Variants in LARGE1 observed in about 807,000 individuals in gnomAD.
The protein encoded by LARGE1 is xylosyl- and glucuronyltransferase LARGE1.
In LARGE1, 43 loss-of-function variants were observed where a neutral mutation model predicts 87.6. The ratio of observed to expected loss-of-function variants is 0.49; its 90% CI spans 0.38 to 0.63. LARGE1 has a LOEUF of 0.63. Ranked by LOEUF, LARGE1 falls within the 30% of genes least tolerant of loss-of-function variation. The probability of loss-of-function intolerance (pLI) is 0.00; values close to 1 mark genes in which losing one functional copy is unlikely to be tolerated. For missense variants in LARGE1, 802 were observed against 1,000.2 expected (o/e 0.80, Z 2.67); for synonymous variants, 434 against 394.6 (o/e 1.10, Z -1.18).
chr22:33,279,353 C>A (rs1929993211), intron 13 of LARGE1, among the ~76,000 whole-genome samples: 2 of 152,186 alleles, frequency 1.3e-5, no homozygotes, highest in African/African-American at 4.8e-5. Flanking sequence ...AGTCTGGGTT[C>A]CATCTCATCC....
At chr22:33,566,503 T>A (rs2078030016) in intron 5 of LARGE1, among the ~76,000 whole-genome samples, 1 of 152,240 alleles carries the variant, frequency 6.6e-6, no homozygotes, top group Non-Finnish European at 1.5e-5. Flanking sequence ...TCTCGCTGAC[T>A]TCAAGAGTGA....
chr22:33,161,438 T>C (rs149011717), downstream of LARGE1, among the ~76,000 whole-genome samples: 978 of 152,178 alleles, frequency 6.4e-3, 2 homozygotes, highest in Non-Finnish European at 0.011. Context: ...AAAGTCCAAG[T>C]CCAAAGTCTC....
chr22:33,163,846 A>G (rs1467539696), exon 12 of LARGE1: 1 of 152,222 alleles, frequency 6.6e-6, no homozygotes, highest in African/African-American at 2.4e-5. Context: ...GAAACTCCCA[A>G]TTGGCTTGTT....
chr22:33,398,292 G>A (rs773357135), intron 7 of LARGE1, among the ~76,000 whole-genome samples: 29 of 151,700 alleles, frequency 1.9e-4, no homozygotes, highest in Non-Finnish European at 3.4e-4. Flanking sequence ...GGAAACTGAG[G>A]CTCAGAAAGG....
At chr22:33,878,129 C>CTTTATTTTTTTTTTTTTTTTTT (rs2064532108) in intron 1 of LARGE1, among the ~76,000 whole-genome samples, 1 of 44,652 alleles carries the variant, frequency 2.2e-5, no homozygotes, top group African/African-American at 6.0e-5. Context: ...TATTGTATTT[C>CTTTATTTTTTTTTTTTTTTTTT]TTTTTTTTTT....
chr22:33,389,890 C>CCAAA (rs1318175452), intron 7 of LARGE1, among the ~76,000 whole-genome samples: 15 of 115,056 alleles, frequency 1.3e-4, no homozygotes, highest in South Asian at 5.4e-4. Flanking sequence ...AACCAACCAA[C>CCAAA]CAAACAAAAA....
At chr22:33,186,701 T>C (rs964926755) in intron 11 of LARGE1, among the ~76,000 whole-genome samples, 8 of 152,130 alleles carry the variant, frequency 5.3e-5, no homozygotes, top group African/African-American at 7.2e-5. Context: ...GAGAATGTGA[T>C]TGTTTACATT....
intron 1 of LARGE1, among the ~76,000 whole-genome samples, chr22:33,775,851 TAAA>T (rs35496819): frequency 2.5e-5 from 3 of 122,356 alleles, no homozygotes; most frequent in Non-Finnish European, 3.3e-5. Context: ...GTCACTGTCT[TAAA>T]AAAAAAAAAA....
chr22:33,179,471 T>A (rs1923049362), intron 11 of LARGE1, among the ~76,000 whole-genome samples: 1 of 152,174 alleles, frequency 6.6e-6, no homozygotes, highest in Admixed American at 6.6e-5. Context: ...ACATGAAAAT[T>A]TACATGGCTT....
At chr22:33,342,050 C>T (rs1008173387) in intron 9 of LARGE1, among the ~76,000 whole-genome samples, 5 of 152,158 alleles carry the variant, frequency 3.3e-5, no homozygotes, top group Admixed American at 6.5e-5. Flanking sequence ...GCAATATGTG[C>T]TTTTCTTCTT....
At chr22:33,205,036 G>GA (rs61422535) in intron 11 of LARGE1, among the ~76,000 whole-genome samples, 39,228 of 151,572 alleles carry the variant, frequency 0.26, 5,436 homozygotes, top group South Asian at 0.4. Context: ...ATATTAGGTT[G>GA]AAAAAAAATA....
chr22:33,796,732 A>AT (rs1306314090), intron 1 of LARGE1, among the ~76,000 whole-genome samples: 1 of 137,684 alleles, frequency 7.3e-6, no homozygotes, highest in African/African-American at 2.7e-5. Context: ...AGGAGGGGAG[A>AT]TTTTTACCTT....
At chr22:33,688,373 C>G (rs573739841) in intron 2 of LARGE1, among the ~76,000 whole-genome samples, 1 of 152,090 alleles carries the variant, frequency 6.6e-6, no homozygotes, top group East Asian at 1.9e-4. Context: ...TTTTTTGAGA[C>G]GGAGTTTTGC....
intron 2 of LARGE1, among the ~76,000 whole-genome samples, chr22:33,661,692 T>C (rs1432195089): frequency 2.0e-5 from 3 of 152,064 alleles, no homozygotes; most frequent in Non-Finnish European, 4.4e-5. Flanking sequence ...CTGCTTCACT[T>C]GAGAGGAGAA....
chr22:33,833,254 G>C (rs1274076120), intron 1 of LARGE1, among the ~76,000 whole-genome samples: 2 of 152,112 alleles, frequency 1.3e-5, no homozygotes, highest in Non-Finnish European at 2.9e-5. Context: ...AGTGACCCTC[G>C]GTTACAGGCT....
chr22:33,097,745 A>G, the LARGE1 span, among the ~76,000 whole-genome samples: 2,077 of 152,318 alleles, frequency 0.014, 19 homozygotes, highest in East Asian at 0.022. Flanking sequence ...ATAAGAGGAA[A>G]GTGGTTGTAC....
At chr22:33,168,556 G>A (rs887636085) in intron 11 of LARGE1, among the ~76,000 whole-genome samples, 1 of 151,282 alleles carries the variant, frequency 6.6e-6, no homozygotes, top group Admixed American at 6.6e-5. Flanking sequence ...TATTCAAAAC[G>A]GTCTAATAAA....
At chr22:33,605,538 T>C (rs771934268) in intron 4 of LARGE1, among the ~76,000 whole-genome samples, 1 of 152,026 alleles carries the variant, frequency 6.6e-6, no homozygotes, top group Non-Finnish European at 1.5e-5. Flanking sequence ...GTTGATTAAA[T>C]AAAATAAGAA....
intron 9 of LARGE1, among the ~76,000 whole-genome samples, chr22:33,365,799 T>C (rs1398544571): frequency 6.6e-6 from 1 of 152,116 alleles, no homozygotes; most frequent in Non-Finnish European, 1.5e-5. Context: ...GTATTTTTAG[T>C]AGAGATGGGG....
Sources: allele counts gnomAD v4.1 joint callset (sites outside exome capture counted in the v4.1 genomes callset), GRCh38; gene constraint gnomAD v4.1.1; transcripts MANE v1.5; gene names NCBI Gene and HGNC (gene_info 2026-07-23, HGNC 2026-07-21).